Variants in TMEM161B observed in about 807,000 individuals in gnomAD.
The protein encoded by TMEM161B is transmembrane protein 161B.
In TMEM161B, 34 loss-of-function variants were observed where a neutral mutation model predicts 61.8. The observed-to-expected ratio is 0.55, with a 90% confidence interval of 0.42 to 0.73. TMEM161B has a LOEUF of 0.73. TMEM161B is among the 30% of genes least tolerant of loss of function. The probability of loss-of-function intolerance (pLI) is 0.00; values close to 1 mark genes in which losing one functional copy is unlikely to be tolerated. For synonymous variants in TMEM161B, 167 were observed against 192.8 expected, an observed-to-expected ratio of 0.87 and a Z score of 1.11; for missense variants, 456 against 558.5, an observed-to-expected ratio of 0.82 and a Z score of 1.85.
At chr5:88,203,224 A>C (rs1001302716) in intron 8 of TMEM161B, 149 bp from the exon 9 acceptor site, 6 of 547,154 alleles carry the variant, frequency 1.1e-5, no homozygotes, top group African/African-American at 7.7e-5. Context: ...TTTTATATTT[A>C]TCATTATGAT....
At chr5:88,209,811 A>G (rs972488495) in intron 5 of TMEM161B, among the ~76,000 whole-genome samples, 5 of 152,088 alleles carry the variant, frequency 3.3e-5, no homozygotes, top group Non-Finnish European at 5.9e-5. Context: ...TGTACTTGCC[A>G]TCTCCTGAGT....
intron 2 of TMEM161B, among the ~76,000 whole-genome samples, chr5:88,233,036 G>A (rs537702695): frequency 6.9e-4 from 105 of 152,220 alleles, no homozygotes; most frequent in African/African-American, 2.4e-3. Context: ...AAGGATGCTC[G>A]ATACTTTTAG....
At position 88,199,005 on chromosome 5, in the gene TMEM161B, G is replaced by A. The variant is rs764371176; in HGVS notation, c.1060C>T (p.Arg354Ter). 6 of 1,611,168 alleles carry A rather than the reference G, an allele frequency of 3.7e-6. No homozygotes were observed. The highest frequency in any genetic ancestry group is 1.3e-5 in the African/African-American group (1 of 74,396). The change falls in exon 10 of 12, where the codon CGA (arginine) becomes TGA (stop). Residue 354 changes from arginine to a stop codon, truncating the protein, a stop_gained. Coordinates refer to ENST00000296595, the MANE Select transcript of TMEM161B (RefSeq NM_153354.5). LOFTEE classifies it high-confidence loss of function. The part of the protein sequence containing the change: ...CVDQMKKEAG[R>*]ISTVELQKMV... Reference sequence around the variant, plus strand: ...TTCTGTAGCTCAACCGTGCTTATTCGCCCCGCTTCTTTCTTCATCTGATCC... The same window carrying A: ...TTCTGTAGCTCAACCGTGCTTATTCACCCCGCTTCTTTCTTCATCTGATCC...
At chr5:88,253,982 T>C (rs1754663513) in intron 1 of TMEM161B, among the ~76,000 whole-genome samples, 1 of 151,652 alleles carries the variant, frequency 6.6e-6, no homozygotes, top group Admixed American at 6.6e-5. Flanking sequence ...AATCTGACAG[T>C]TACTAGAATA....
chr5:88,194,289 C>G (rs868268788), downstream of TMEM161B, among the ~76,000 whole-genome samples: 10 of 152,088 alleles, frequency 6.6e-5, no homozygotes, highest in South Asian at 8.3e-4. Context: ...ATAATGGCCT[C>G]CAGTTTCATC....
chr5:88,242,556 T>G (rs1561400058), intron 1 of TMEM161B, among the ~76,000 whole-genome samples: 2 of 145,692 alleles, frequency 1.4e-5, no homozygotes, highest in Admixed American at 8.2e-5. Context: ...CCAAACTGCA[T>G]GAGTTAGAAG....
At chr5:88,245,164 GTTTT>G (rs1753409206) in intron 1 of TMEM161B, among the ~76,000 whole-genome samples, 1 of 151,764 alleles carries the variant, frequency 6.6e-6, no homozygotes, top group Non-Finnish European at 1.5e-5. Context: ...CTCAACTATG[GTTTT>G]ATTTGTGGAT....
downstream of TMEM161B, among the ~76,000 whole-genome samples, chr5:88,188,665 A>G (rs778605610): frequency 2.6e-5 from 4 of 152,156 alleles, no homozygotes; most frequent in Admixed American, 2.6e-4. Context: ...CACTGGATTA[A>G]AGAAGGAAGA....
intron 4 of TMEM161B, among the ~76,000 whole-genome samples, chr5:88,222,428 C>T (rs1749169525): frequency 6.6e-6 from 1 of 151,836 alleles, no homozygotes; most frequent in Admixed American, 6.6e-5. Context: ...CTGAAAGATA[C>T]TGATGTGGTT....
intron 5 of TMEM161B, among the ~76,000 whole-genome samples, chr5:88,213,340 T>G (rs1048802334): frequency 2.0e-5 from 3 of 152,082 alleles, no homozygotes; most frequent in Admixed American, 2.0e-4. Context: ...AATTTTAAAC[T>G]AAAATATTTT....
At chr5:88,212,542 T>C (rs1462175941) in intron 5 of TMEM161B, among the ~76,000 whole-genome samples, 1 of 152,194 alleles carries the variant, frequency 6.6e-6, no homozygotes, top group African/African-American at 2.4e-5. Context: ...AAAGTACTAT[T>C]ATGGGCTGGG....
At chr5:88,189,932 A>G in exon 13 of TMEM161B, 1 of 626,576 alleles carries the variant, frequency 1.6e-6, no homozygotes, top group Non-Finnish European at 2.9e-6. Context: ...GCCAGTAGGC[A>G]GCATGCAGTT....
intron 1 of TMEM161B, among the ~76,000 whole-genome samples, chr5:88,267,366 G>A (rs532969142): frequency 3.3e-5 from 5 of 151,968 alleles, no homozygotes; most frequent in African/African-American, 1.2e-4. Flanking sequence ...AAACTTTAAA[G>A]AGATAGGTTA....
At chr5:88,206,760 G>A in intron 6 of TMEM161B, among the ~76,000 whole-genome samples, 1 of 151,738 alleles carries the variant, frequency 6.6e-6, no homozygotes, top group Middle Eastern at 3.2e-3. Context: ...AACTATAAGA[G>A]TAAACTTTAG....
At chr5:88,256,851 C>T (rs751490682) in intron 1 of TMEM161B, among the ~76,000 whole-genome samples, 4 of 152,194 alleles carry the variant, frequency 2.6e-5, no homozygotes, top group Non-Finnish European at 5.9e-5. Flanking sequence ...TAAACTTTAG[C>T]ATAAAGAAAA....
intron 4 of TMEM161B, chr5:88,221,898 T>A (rs567779988): frequency 2.9e-6 from 1 of 340,806 alleles, no homozygotes; most frequent in Admixed American, 3.5e-5. Context: ...TACGATATCC[T>A]TATAGAAAAA....
rs1490545848 is a variant in TMEM161B at position 88,207,042 on chromosome 5, A to G, written c.585T>C (p.Phe195=). The change falls in exon 6 of 12, where the codon TTT becomes TTC. Residue 195 remains phenylalanine (F), a synonymous_variant. Coordinates refer to ENST00000296595, the MANE Select transcript of TMEM161B (RefSeq NM_153354.5). Reference sequence around the variant, plus strand: ...TGAAACTATTACCTGTTTCAAGTCCAAATTCCAGATAATTTTCTGTTACAA... The same window carrying G: ...TGAAACTATTACCTGTTTCAAGTCCGAATTCCAGATAATTTTCTGTTACAA... The part of the protein sequence containing the change: ...VLIVTENYLE[F]GLETGFTNFS... 8.1e-6 allele frequency: 13 copies of G among 1,611,642 alleles called. No homozygotes were observed. Among genetic ancestry groups the G allele is most frequent in the Non-Finnish European group, 1.1e-5 (13 of 1,179,436 alleles).
downstream of TMEM161B, among the ~76,000 whole-genome samples, chr5:88,191,900 T>A (rs1748916853): frequency 7.7e-6 from 1 of 130,612 alleles, no homozygotes; most frequent in Admixed American, 8.9e-5. Context: ...GAGCTTGCAG[T>A]GAGCCGAGAC....
chr5:88,259,548 A>G (rs1157400202), intron 1 of TMEM161B, among the ~76,000 whole-genome samples: 1 of 152,206 alleles, frequency 6.6e-6, no homozygotes, highest in Non-Finnish European at 1.5e-5. Context: ...TCAACTCATC[A>G]GTGTTACTAG....
Sources: gnomAD v4.1 joint callset for allele counts (sites outside exome capture counted in the v4.1 genomes callset) on GRCh38, gnomAD v4.1.1 for gene constraint, MANE v1.5 for transcripts, NCBI Gene and HGNC (gene_info 2026-07-23, HGNC 2026-07-21) for gene names.